Variants in CATSPERG observed in about 807,000 individuals in gnomAD.
CATSPERG encodes the protein catsper channel auxiliary subunit gamma.
Under a neutral mutation model 145.0 loss-of-function variants are expected in CATSPERG, and 115 were observed. The ratio of observed to expected loss-of-function variants is 0.79; its 90% confidence interval spans 0.68 to 0.93. CATSPERG has a LOEUF of 0.93. Ranked by LOEUF, CATSPERG falls within the 40% of genes least tolerant of loss-of-function variation. The pLI is 0.00. For synonymous variants in CATSPERG, 588 were observed against 589.0 expected, an observed-to-expected ratio of 1.00 and a Z score of 0.02; for missense variants, 1,296 against 1,490.1, an observed-to-expected ratio of 0.87 and a Z score of 2.14.
At chr19:38,350,806 T>A (rs1465289843) in intron 7 of CATSPERG, among the ~76,000 whole-genome samples, 3 of 152,052 alleles carry the variant, frequency 2.0e-5, no homozygotes, top group South Asian at 2.1e-4. Flanking sequence ...CTGGCCAACA[T>A]GGTGAAACCC....
At position 38,364,983 on chromosome 19, in the gene CATSPERG, G is replaced by C. The variant is rs1203613330; in HGVS notation, c.2556+12G>C. 1.2e-6 allele frequency: 2 copies of C among 1,613,704 alleles called. No homozygotes were observed. The highest frequency in any genetic ancestry group is 2.7e-5 in the African/African-American group (2 of 74,920). On this transcript the variant is annotated intron_variant, in intron 21 of 28. Transcript: ENST00000409235. ...CCATGACGGTCAATGTGAGGTCCAAGCCTGGAGGGGAGGGTGCAGGATGGT... is the reference window on the plus strand; with the variant it reads ...CCATGACGGTCAATGTGAGGTCCAACCCTGGAGGGGAGGGTGCAGGATGGT...
intron 3 of CATSPERG, among the ~76,000 whole-genome samples, chr19:38,339,743 T>C (rs1286066034): frequency 6.6e-6 from 1 of 152,210 alleles, no homozygotes; most frequent in Non-Finnish European, 1.5e-5. Context: ...GATTTTTAGT[T>C]TTAGCTCTTA....
chr19:38,362,908 T>C, intron 20 of CATSPERG, 76 bp downstream of exon 20: 1 of 1,012,992 alleles, frequency 9.9e-7, no homozygotes, highest in Non-Finnish European at 1.5e-6. Context: ...AGACAGGGTC[T>C]TGCTCTGTCG....
In CATSPERG at chr19:38,361,707, G is replaced by T; in HGVS notation, c.1940G>T (p.Ser647Ile). The change falls in exon 17 of 29, where the codon AGC becomes ATC. Residue 647 changes from serine (S) to isoleucine (I), a missense_variant. Physicochemically the swap from Ser to Ile is moderately radical, Grantham distance 142. Transcript: ENST00000409235. ...CCCTTCTCGGTGATGCGCCTGCGGA[G>T]CCTGCCCAGTCCGCAGAGATACACG... is the stretch of plus-strand genomic sequence containing the variant. ...FCPFSVMRLRSLPSPQRYTRQ... is the reference protein window; with the variant it reads ...FCPFSVMRLRILPSPQRYTRQ... 7 of 1,612,606 alleles carry T rather than the reference G, an allele frequency of 4.3e-6. No individual in the cohort carries two copies. Among genetic ancestry groups the T allele is most frequent in the Non-Finnish European group, 5.9e-6 (7 of 1,179,814 alleles).
chr19:38,337,804 C>T (rs189639704), intron 3 of CATSPERG, 158 bp downstream of exon 3: 2 of 606,982 alleles, frequency 3.3e-6, no homozygotes, highest in Non-Finnish European at 2.7e-6. Context: ...CTGCAACCTC[C>T]GCCTCCCGTG....
intron 6 of CATSPERG, among the ~76,000 whole-genome samples, chr19:38,345,445 G>C (rs1970025134): frequency 6.6e-6 from 1 of 151,718 alleles, no homozygotes; most frequent in African/African-American, 2.4e-5. Flanking sequence ...CGCCTACCTC[G>C]GTCTCCCAAA....
intron 3 of CATSPERG, among the ~76,000 whole-genome samples, chr19:38,338,756 C>T (rs1368232971): frequency 6.6e-6 from 1 of 152,118 alleles, no homozygotes; most frequent in Admixed American, 6.5e-5. Context: ...TGGCTCCCAC[C>T]TGTAGAAATG....
chr19:38,347,723 C>A (rs1178173945), intron 7 of CATSPERG, among the ~76,000 whole-genome samples: 3 of 152,126 alleles, frequency 2.0e-5, no homozygotes, highest in Non-Finnish European at 4.4e-5. Context: ...GGTGGATCAC[C>A]TGAGGTCAGG....
In CATSPERG at chr19:38,337,673, C is replaced by G. The variant is rs755382165; in HGVS notation, c.324+27C>G. 3.2e-6 allele frequency: 5 copies of G among 1,543,130 alleles called. No homozygotes were observed. The South Asian group carries it at 6.0e-5, about 18-fold the overall frequency. On this transcript the variant is annotated intron_variant, in intron 3 of 28. Coordinates refer to ENST00000409235, the MANE Select transcript of CATSPERG (RefSeq NM_021185.5). ...TGAGTGGGTGCAGCACGGATAGGCT[C>G]ATTCTATGAGCCTTGGTTTTCCCAC...
In CATSPERG at chr19:38,359,520, C is replaced by T. The variant is rs767128624; in HGVS notation, c.1547C>T (p.Ser516Phe). 6.2e-7 allele frequency: 1 copy of T among 1,613,890 alleles called. No homozygotes were observed. The highest frequency in any genetic ancestry group is 8.5e-7 in the Non-Finnish European group (1 of 1,179,842). Residue 516 changes from serine to phenylalanine, a missense_variant, in exon 14 of 29, where the codon TCC becomes TTC. Coordinates refer to ENST00000409235, the MANE Select transcript of CATSPERG (RefSeq NM_021185.5). The stretch of plus-strand genomic sequence containing the variant: ...CTGGCAGACTTCCCCAAGGAACTGT[C>T]CATCAAATACATGGCCAGATCGTTC... The part of the protein sequence containing the change: ...IYLADFPKEL[S>F]IKYMARSFRG...
At chr19:38,343,026 A>G (rs1441001914) in intron 3 of CATSPERG, among the ~76,000 whole-genome samples, 1 of 152,180 alleles carries the variant, frequency 6.6e-6, no homozygotes, top group Non-Finnish European at 1.5e-5. Flanking sequence ...AGTCTGCTGC[A>G]GAGAGGGTGG....
In CATSPERG at chr19:38,364,838, T is replaced by C. The variant is rs905701160; in HGVS notation, c.2476-53T>C. On this transcript the variant is annotated intron_variant, in intron 20 of 28. Coordinates refer to ENST00000409235, the MANE Select transcript of CATSPERG (RefSeq NM_021185.5). ...GTTATTTGAACTGTTTGTTGGACTTTGGGGAGACCTGTTCACCCCTTCATT... is the reference window on the plus strand; with the variant it reads ...GTTATTTGAACTGTTTGTTGGACTTCGGGGAGACCTGTTCACCCCTTCATT... 4 of 1,388,422 alleles carry C rather than the reference T, an allele frequency of 2.9e-6. No individual in the cohort carries two copies. In the African/African-American group the frequency reaches 5.7e-5, roughly 20 times the overall value. The allele number at this position is 1,388,422 out of a possible 1,614,324, so 86.0% of individuals were successfully genotyped here. A position where few individuals can be genotyped will look rare whatever the true frequency, so the allele number is the denominator to read the frequency against.
chr19:38,366,884 G>A, intron 22 of CATSPERG: 1 of 412,428 alleles, frequency 2.4e-6, no homozygotes. Flanking sequence ...AGTAGAGACA[G>A]GGTTTTACTG....
At chr19:38,347,198 G>A (rs1006749119) in intron 7 of CATSPERG, among the ~76,000 whole-genome samples, 2 of 151,958 alleles carry the variant, frequency 1.3e-5, no homozygotes, top group Non-Finnish European at 2.9e-5. Context: ...GAGACAGATC[G>A]AGACCCTGTC....
At chr19:38,362,322 C>A in intron 18 of CATSPERG, 50 bp downstream of exon 18, 1 of 1,613,336 alleles carries the variant, frequency 6.2e-7, no homozygotes, top group Non-Finnish European at 8.5e-7. Flanking sequence ...CCGGACACCC[C>A]TCACCGTGCC....
intron 1 of CATSPERG, 137 bp from the exon 2 acceptor site, chr19:38,337,084 C>A: frequency 9.4e-7 from 1 of 1,069,440 alleles, no homozygotes; most frequent in Non-Finnish European, 1.3e-6. Flanking sequence ...AGAGCAAGTG[C>A]AGGGGCGGGG....
In CATSPERG at chr19:38,362,376, G is replaced by A. The variant is rs931010662; in HGVS notation, c.2158G>A (p.Asp720Asn). ...CTGCCCCGCGCATCCGGTACCCCAG[G>A]ATTACTACTTCTTCTTGGCGAGCAA... ...RWWANNKQDQ[D>N]YYFFLASNWR... Residue 720 changes from aspartate (D) to asparagine (N), a missense_variant and splice_region_variant, in exon 19 of 29, where the codon GAT (aspartate) becomes AAT (asparagine). Asp to Asn is a conservative substitution (Grantham distance 23). Coordinates refer to ENST00000409235, the MANE Select transcript of CATSPERG (RefSeq NM_021185.5). The A allele has an allele frequency of 6.2e-7, 1 of 1,614,054 alleles. No homozygotes were observed. The highest frequency in any genetic ancestry group is 8.5e-7 in the Non-Finnish European group (1 of 1,180,020).
rs868353410 is a variant in CATSPERG at position 38,354,806 on chromosome 19, C to G, written c.1094C>G (p.Thr365Arg). The G allele has an allele frequency of 1.2e-6, 2 of 1,614,016 alleles. No homozygotes were observed. The highest frequency in any genetic ancestry group is 1.7e-6 in the Non-Finnish European group (2 of 1,180,014). ...TCTGAGTACATAATGGCCCTCACCA[C>G]GGGCAAGCATGAGGGTTATGTACAC... ...NGSEYIMALTTGKHEGYVHFG... is the reference protein window; with the variant it reads ...NGSEYIMALTRGKHEGYVHFG... Residue 365 changes from threonine (T) to arginine (R), a missense_variant, in exon 9 of 29, where the codon ACG becomes AGG. Transcript: ENST00000409235.
rs1407211675 is a variant in CATSPERG at position 38,356,677 on chromosome 19, C to T, written c.1196-65C>T. ...GAGGGGTGAGTTATGGGGAGGGGTACAGCTGGCACAGGACCAAGGCTATTG... is the reference window on the plus strand; with the variant it reads ...GAGGGGTGAGTTATGGGGAGGGGTATAGCTGGCACAGGACCAAGGCTATTG... On this transcript the variant is annotated intron_variant, in intron 10 of 28. Coordinates refer to ENST00000409235, the MANE Select transcript of CATSPERG (RefSeq NM_021185.5). The T allele has an allele frequency of 2.5e-6, 4 of 1,602,928 alleles. No homozygotes were observed. The African/African-American group carries it at 4.0e-5, about 16-fold the overall frequency.
Sources: allele counts gnomAD v4.1 joint callset (sites outside exome capture counted in the v4.1 genomes callset), GRCh38; gene constraint gnomAD v4.1.1; transcripts MANE v1.5; gene names NCBI Gene and HGNC (gene_info 2026-07-23, HGNC 2026-07-21).